Variants in ULK4 observed in about 807,000 individuals in gnomAD.
ULK4 encodes the protein unc-51 like kinase 4.
A neutral mutation model predicts 160.6 loss-of-function variants in ULK4; 133 were observed. The ratio of observed to expected loss-of-function variants is 0.83; its 90% confidence interval spans 0.72 to 0.96. The LOEUF is 0.96. Among genes scored for constraint, ULK4 ranks in the 40% least tolerant of loss-of-function variants. The pLI, the probability that ULK4 is intolerant of heterozygous loss-of-function variation, is 0.00. For synonymous variants in ULK4, 534 were observed against 539.8 expected, an observed-to-expected ratio of 0.99 and a Z score of 0.15; for missense variants, 1,580 against 1,499.5, an observed-to-expected ratio of 1.05 and a Z score of -0.89.
chr3:41,742,046 G>T lies in ULK4; in HGVS notation c.2321+12315C>A, dbSNP rs574835350. On this transcript the variant is annotated intron_variant, in intron 22 of 36. Transcript: ENST00000301831. ...GGCCTAACAACAGAAATTCTTTCTA[G>T]CAATACCTGCCCTGCTCTGACAACA... 1.5e-4 allele frequency among the ~76,000 whole-genome samples: 23 copies of T among 151,972 alleles called. 2 individuals carry two copies. The South Asian group carries it at 4.8e-3, about 31-fold the overall frequency.
Position 41,246,674 on chromosome 3 carries a change from G to A in ULK4, c.*255C>T. On this transcript the variant is annotated 3_prime_UTR_variant, in exon 37 of 37. Transcript: ENST00000301831. ...CACCTGGCCCACACAGAGAGGGAAA[G>A]AACATTTCTGAGAACAGCTAACAAA... The A allele has an allele frequency of 2.1e-6, 1 of 477,040 alleles. No homozygotes were observed. Among genetic ancestry groups the A allele is most frequent in the Non-Finnish European group, 3.8e-6 (1 of 263,494 alleles). The allele number at this position is 477,040 out of a possible 1,614,324, so 29.6% of individuals were successfully genotyped here. A position where few individuals can be genotyped will look rare whatever the true frequency, so the allele number is the denominator to read the frequency against.
intron 34 of ULK4, among the ~76,000 whole-genome samples, chr3:41,420,471 C>CTTTTTTTTTTTTTTTTTTTTTTTTTT (rs1339143112): frequency 1.6e-5 from 1 of 63,248 alleles, no homozygotes; most frequent in Admixed American, 2.0e-4. Context: ...TTTTCCAGTT[C>CTTTTTTTTTTTTTTTTTTTTTTTTTT]TTTCTTTTTT....
chr3:41,418,691 G>A (rs2082590202), intron 34 of ULK4, among the ~76,000 whole-genome samples: 1 of 152,160 alleles, frequency 6.6e-6, no homozygotes, highest in Non-Finnish European at 1.5e-5. Context: ...AGAGGATGAG[G>A]TAGAGTTTTG....
chr3:41,900,941 A>G, intron 12 of ULK4, 112 bp from the exon 13 acceptor site: 1 of 674,968 alleles, frequency 1.5e-6, no homozygotes, highest in Non-Finnish European at 2.5e-6. Flanking sequence ...ACCTATATCA[A>G]TGTACTTCAA....
intron 33 of ULK4, among the ~76,000 whole-genome samples, chr3:41,456,474 T>C (rs2083556595): frequency 1.3e-5 from 2 of 152,216 alleles, no homozygotes; most frequent in South Asian, 2.1e-4. Flanking sequence ...CAACATATCA[T>C]TGCATGAATA....
At position 41,821,186 on chromosome 3, in the gene ULK4, T is replaced by C. The variant is rs921582862; in HGVS notation, c.1765-1680A>G. ...AGTCTCTTTAGTTGTCCCTTTACTC[T>C]TGTTTGGGAAACCTCAACCTCTGAG... On this transcript the variant is annotated intron_variant, in intron 18 of 36. Transcript: ENST00000301831. Among the ~76,000 whole-genome samples, 10 of 152,196 alleles carry C rather than the reference T, an allele frequency of 6.6e-5. No homozygotes were observed. In the East Asian group the frequency reaches 1.7e-3, roughly 26 times the overall value.
At chr3:41,635,725 C>T (rs538353370) in intron 30 of ULK4, among the ~76,000 whole-genome samples, 39 of 152,194 alleles carry the variant, frequency 2.6e-4, no homozygotes, top group African/African-American at 8.7e-4. Context: ...AGACACTGAG[C>T]CATAGATTGG....
chr3:41,755,344 G>C (rs1414778847), intron 21 of ULK4, among the ~76,000 whole-genome samples: 1 of 152,114 alleles, frequency 6.6e-6, no homozygotes, highest in East Asian at 1.9e-4. Context: ...CAGGTAGGAA[G>C]AATTTACATA....
chr3:41,810,968 C>G lies in ULK4; in HGVS notation c.1848+8455G>C, dbSNP rs116949698. ...TAGTGTGCATAGCTCACTGCAGCCT[C>G]AAACTCCTGGGCTCAACCAATCCTT... On this transcript the variant is annotated intron_variant, in intron 19 of 36. Coordinates refer to ENST00000301831, the MANE Select transcript of ULK4 (RefSeq NM_017886.4). Among the ~76,000 whole-genome samples, 54 of 152,294 alleles carry G rather than the reference C, an allele frequency of 3.5e-4. No individual in the cohort carries two copies. In the East Asian group the frequency reaches 0.01, roughly 29 times the overall value.
intron 29 of ULK4, 105 bp from the exon 30 acceptor site, chr3:41,663,804 A>G (rs1173180626): frequency 3.3e-6 from 3 of 919,446 alleles, no homozygotes; most frequent in Non-Finnish European, 5.1e-6. Flanking sequence ...ACAGAAAGAT[A>G]TTTTACACAC....
At chr3:41,428,909 G>A (rs2082839898) in intron 34 of ULK4, among the ~76,000 whole-genome samples, 1 of 152,038 alleles carries the variant, frequency 6.6e-6, no homozygotes, top group Non-Finnish European at 1.5e-5. Context: ...TGACAAATGG[G>A]ACCTAATTAA....
intron 32 of ULK4, among the ~76,000 whole-genome samples, chr3:41,486,152 C>T (rs912522995): frequency 6.6e-6 from 1 of 152,028 alleles, no homozygotes; most frequent in Non-Finnish European, 1.5e-5. Context: ...ATCAGTCTTC[C>T]TATTATACCA....
At chr3:41,573,363 T>C (rs780261090) in intron 31 of ULK4, among the ~76,000 whole-genome samples, 4 of 152,196 alleles carry the variant, frequency 2.6e-5, no homozygotes, top group Non-Finnish European at 4.4e-5. Context: ...CAAAGCAGTT[T>C]CACCGTAGAC....
intron 30 of ULK4, among the ~76,000 whole-genome samples, chr3:41,658,737 A>ACACACACACACACACTGT (rs371916129): frequency 2.9e-4 from 44 of 151,180 alleles, no homozygotes; most frequent in Admixed American, 8.6e-4. Context: ...GTACACACAC[A>ACACACACACACACACTGT]CACACACACA....
At chr3:41,786,609 A>AG (rs2040004028) in intron 21 of ULK4, among the ~76,000 whole-genome samples, 1 of 151,968 alleles carries the variant, frequency 6.6e-6, no homozygotes, top group Non-Finnish European at 1.5e-5. Context: ...AAAAAAAAAA[A>AG]AAAAAAAAGC....
chr3:41,621,342 T>A (rs1395652287), intron 30 of ULK4, among the ~76,000 whole-genome samples: 1 of 152,182 alleles, frequency 6.6e-6, no homozygotes. Flanking sequence ...GCTGGAGGCA[T>A]CATGCTATCT....
At chr3:41,599,595 T>C (rs1284257008) in intron 31 of ULK4, among the ~76,000 whole-genome samples, 1 of 149,664 alleles carries the variant, frequency 6.7e-6, no homozygotes, top group Non-Finnish European at 1.5e-5. Context: ...GACGGAGTCT[T>C]GCCCTGTCAC....
chr3:41,369,495 TA>T (rs36119223), intron 35 of ULK4, among the ~76,000 whole-genome samples: 73,583 of 145,430 alleles, frequency 0.51, 19,366 homozygotes, highest in African/African-American at 0.7. Flanking sequence ...ACCCTGTCTT[TA>T]AAAAAAAAAA....
intron 14 of ULK4, 143 bp from the exon 15 acceptor site, chr3:41,897,146 G>A: frequency 1.5e-6 from 1 of 675,028 alleles, no homozygotes; most frequent in Non-Finnish European, 2.4e-6. Context: ...CTCCAAAGAT[G>A]ACACTATTTT....
Sources: allele counts gnomAD v4.1 joint callset (sites outside exome capture counted in the v4.1 genomes callset), GRCh38; gene constraint gnomAD v4.1.1; transcripts MANE v1.5; gene names NCBI Gene and HGNC (gene_info 2026-07-23, HGNC 2026-07-21).